Variants in DHX35 observed in about 807,000 individuals in gnomAD.
The protein encoded by DHX35 is DEAH-box helicase 35.
Under a neutral mutation model 99.6 loss-of-function variants are expected in DHX35, and 84 were observed. That is an observed-to-expected ratio of 0.84 (90% CI 0.71 to 1.01). The LOEUF is 1.01. Ranked by LOEUF, DHX35 falls within the 50% of genes least tolerant of loss-of-function variation. DHX35 has a pLI of 0.00. For synonymous variants in DHX35, 331 were observed against 316.2 expected, an observed-to-expected ratio of 1.05 and a Z score of -0.50; for missense variants, 852 against 888.5, an observed-to-expected ratio of 0.96 and a Z score of 0.52.
chr20:39,023,773 C>G lies in DHX35; in HGVS notation c.1671+6C>G. On this transcript the variant is annotated splice_donor_region_variant and intron_variant, in intron 17 of 21. Transcript: ENST00000252011. ...TATATGAAGCATTTATCAAAGTAAG[C>G]ACAACTACTGCTCGAAGTGCCGCCT... The G allele has an allele frequency of 6.2e-7, 1 of 1,612,780 alleles. No individual in the cohort carries two copies. The highest frequency in any genetic ancestry group is 8.5e-7 in the Non-Finnish European group (1 of 1,178,940).
At chr20:38,978,789 C>T (rs1442442645) in intron 3 of DHX35, among the ~76,000 whole-genome samples, 1 of 152,126 alleles carries the variant, frequency 6.6e-6, no homozygotes, top group African/African-American at 2.4e-5. Context: ...TGAAGTGTTT[C>T]CCTTCTCTTT....
chr20:39,020,795 C>G (rs1392743814), intron 15 of DHX35, among the ~76,000 whole-genome samples: 1 of 151,796 alleles, frequency 6.6e-6, no homozygotes, highest in African/African-American at 2.4e-5. Context: ...TCCTGAGTAG[C>G]TGGGATTACA....
chr20:38,995,608 C>T (rs1275713524), intron 8 of DHX35, among the ~76,000 whole-genome samples: 2 of 152,090 alleles, frequency 1.3e-5, no homozygotes, highest in East Asian at 1.9e-4. Flanking sequence ...ATTTTTCTCT[C>T]TTGTGGACCT....
chr20:39,018,995 T>C (rs1454988204), intron 15 of DHX35, 96 bp downstream of exon 15: 3 of 1,094,300 alleles, frequency 2.7e-6, no homozygotes, highest in Non-Finnish European at 4.1e-6. Flanking sequence ...GGGTACAATA[T>C]GGTAAAGAAG....
At chr20:39,005,040 G>A (rs868487967) in intron 11 of DHX35, among the ~76,000 whole-genome samples, 5 of 138,202 alleles carry the variant, frequency 3.6e-5, no homozygotes, top group East Asian at 2.3e-4. Context: ...GCTGTAAAAC[G>A]TAAATAATAA....
At chr20:39,005,733 C>T (rs73908233) in intron 11 of DHX35, among the ~76,000 whole-genome samples, 3,025 of 152,196 alleles carry the variant, frequency 0.02, 106 homozygotes, top group African/African-American at 0.07. Flanking sequence ...AAAGTGCACA[C>T]CCTCAGAAAG....
At chr20:39,002,482 T>C (rs187835811) in intron 9 of DHX35, among the ~76,000 whole-genome samples, 1 of 152,374 alleles carries the variant, frequency 6.6e-6, no homozygotes, top group Admixed American at 6.5e-5. Context: ...CTTCCGATTT[T>C]CACTGGTCTG....
At chr20:38,991,702 C>T (rs1437676889) in intron 6 of DHX35, among the ~76,000 whole-genome samples, 187 bp downstream of exon 6, 1 of 152,156 alleles carries the variant, frequency 6.6e-6, no homozygotes, top group African/African-American at 2.4e-5. Context: ...TTTACAGACA[C>T]TCAAAAATGG....
intron 21 of DHX35, 78 bp from the exon 22 acceptor site, chr20:39,038,421 A>G: frequency 6.8e-7 from 1 of 1,474,074 alleles, no homozygotes; most frequent in South Asian, 1.1e-5. Context: ...TGATGTGGTC[A>G]TTCATATGGG....
chr20:39,022,915 T>C (rs1043951460), intron 16 of DHX35, among the ~76,000 whole-genome samples: 2 of 152,206 alleles, frequency 1.3e-5, no homozygotes, highest in Non-Finnish European at 2.9e-5. Context: ...AGTCAGAGAA[T>C]TAGCAGCCTT....
intron 2 of DHX35, among the ~76,000 whole-genome samples, chr20:38,971,858 C>G (rs1037802923): frequency 6.6e-6 from 1 of 151,958 alleles, no homozygotes; most frequent in African/African-American, 2.4e-5. Flanking sequence ...CTGATTTAAC[C>G]AAACTTTTGT....
chr20:38,977,532 C>T (rs943405502), intron 3 of DHX35, among the ~76,000 whole-genome samples: 21 of 152,200 alleles, frequency 1.4e-4, no homozygotes, highest in Admixed American at 1.2e-3. Context: ...ACTATTATGT[C>T]CTATCATGAC....
At chr20:38,975,475 C>T (rs1338469841) in intron 3 of DHX35, among the ~76,000 whole-genome samples, 1 of 152,062 alleles carries the variant, frequency 6.6e-6, no homozygotes, top group African/African-American at 2.4e-5. Flanking sequence ...CCTCAATGAC[C>T]CTATGAAGCA....
intron 1 of DHX35, among the ~76,000 whole-genome samples, chr20:38,966,617 T>C (rs1273407310): frequency 6.6e-6 from 1 of 152,200 alleles, no homozygotes; most frequent in Non-Finnish European, 1.5e-5. Context: ...TGCAGTGAGC[T>C]GGCATCTCGC....
intron 9 of DHX35, 102 bp downstream of exon 9, chr20:39,001,944 G>A (rs1346039324): frequency 8.6e-6 from 8 of 931,372 alleles, no homozygotes; most frequent in Non-Finnish European, 1.4e-5. Context: ...GGATGGGGAG[G>A]AGCATGTTTT....
chr20:38,962,899 C>T (rs2085856555), intron 1 of DHX35: 1 of 158,928 alleles, frequency 6.3e-6, no homozygotes. Context: ...GACTTCTTTA[C>T]CTGTAAAGTG....
chr20:39,005,061 A>C (rs1309451142), intron 11 of DHX35, among the ~76,000 whole-genome samples: 1 of 152,188 alleles, frequency 6.6e-6, no homozygotes, highest in Admixed American at 6.5e-5. Context: ...TAACTTTCAG[A>C]TAGGTGGTTT....
intron 13 of DHX35, among the ~76,000 whole-genome samples, 199 bp downstream of exon 13, chr20:39,010,603 A>G (rs2086687761): frequency 6.6e-6 from 1 of 152,188 alleles, no homozygotes; most frequent in Non-Finnish European, 1.5e-5. Context: ...CTATTCTTAC[A>G]TAGTTCCTGT....
At chr20:39,037,202 G>A (rs554749093) in intron 21 of DHX35, among the ~76,000 whole-genome samples, 133 of 152,220 alleles carry the variant, frequency 8.7e-4, no homozygotes, top group Non-Finnish European at 1.5e-3. Flanking sequence ...AGCTGTAGGG[G>A]TTATATCAGG....
Sources: allele counts gnomAD v4.1 joint callset (sites outside exome capture counted in the v4.1 genomes callset), GRCh38; gene constraint gnomAD v4.1.1; transcripts MANE v1.5; gene names NCBI Gene and HGNC (gene_info 2026-07-23, HGNC 2026-07-21).